Variants in FNDC1 observed in about 807,000 individuals in gnomAD.
FNDC1 encodes fibronectin type III domain containing 1, also known as fibronectin type III domain-containing protein 1.
In FNDC1, 96 loss-of-function variants were observed where a neutral mutation model predicts 168.0. The ratio of observed to expected loss-of-function variants is 0.57; its 90% CI spans 0.48 to 0.68. FNDC1 has a LOEUF of 0.68. FNDC1 is among the 30% of genes least tolerant of loss of function. The pLI is 0.00. For synonymous variants in FNDC1, 1,099 were observed against 1,025.9 expected (o/e 1.07, Z -1.36); for missense variants, 2,587 against 2,482.1 (o/e 1.04, Z -0.90).
intron 9 of FNDC1, among the ~76,000 whole-genome samples, chr6:159,229,343 T>G (rs1783033715): frequency 6.6e-6 from 1 of 152,238 alleles, no homozygotes; most frequent in Non-Finnish European, 1.5e-5. Context: ...ATGGAATTTT[T>G]CTGGCTAAAT....
intron 9 of FNDC1, among the ~76,000 whole-genome samples, chr6:159,228,991 T>C (rs1403043724): frequency 6.6e-6 from 1 of 152,212 alleles, no homozygotes; most frequent in Non-Finnish European, 1.5e-5. Flanking sequence ...TCATATTAAT[T>C]TGATGTTTTG....
intron 7 of FNDC1, 89 bp from the exon 8 acceptor site, chr6:159,225,446 C>A: frequency 3.8e-6 from 4 of 1,046,906 alleles, no homozygotes; most frequent in South Asian, 5.4e-5. Flanking sequence ...CTCCCAAAGT[C>A]ATCACTTATG....
Position 159,234,280 on chromosome 6 carries a change from C to T in FNDC1, c.3768C>T (p.His1256=). ...CAGGCAGCTCCCCCAGGGCCTCCCACGTCCCTTCCCGACTGCCGCCTCGCA... is the reference window on the plus strand; with the variant it reads ...CAGGCAGCTCCCCCAGGGCCTCCCATGTCCCTTCCCGACTGCCGCCTCGCA... ...PPPGSSPRAS[H]VPSRLPPRSA... is the part of the protein sequence containing the mutation. Residue 1256 remains histidine (H), a synonymous_variant, in exon 11 of 23, where the codon CAC becomes CAT. Transcript: ENST00000297267. 1.9e-6 allele frequency: 3 copies of T among 1,598,566 alleles called. No homozygotes were observed.
At chr6:159,177,698 G>T (rs770540366) in intron 1 of FNDC1, among the ~76,000 whole-genome samples, 2 of 152,174 alleles carry the variant, frequency 1.3e-5, no homozygotes, top group Non-Finnish European at 2.9e-5. Context: ...CTGCAGAGAA[G>T]GCTCGGCCTC....
Position 159,249,059 on chromosome 6 carries a change from A to C in FNDC1, c.4711A>C (p.Arg1571=). The change falls in exon 16 of 23, where the codon AGG becomes CGG. Residue 1571 remains arginine (R), a synonymous_variant. Transcript: ENST00000297267. The part of the protein sequence containing the change: ...YDEDYEFETS[R]PPTTTEPSTT... ...TTCAGATTATGAATTTGAGACGTCA[A>C]GGCCACCAACCACCACTGAGCCTTC... 1.2e-6 allele frequency: 2 copies of C among 1,601,474 alleles called. No homozygotes were observed. The highest frequency in any genetic ancestry group is 1.7e-6 in the Non-Finnish European group (2 of 1,173,852).
chr6:159,226,657 GA>G, intron 9 of FNDC1, 77 bp downstream of exon 9: 1 of 1,144,878 alleles, frequency 8.7e-7, no homozygotes, highest in Non-Finnish European at 1.2e-6. Context: ...TTTGTTGACT[GA>G]AAAAGAAATA....
chr6:159,240,038 A>G, intron 14 of FNDC1, 81 bp downstream of exon 14: 3 of 1,331,984 alleles, frequency 2.3e-6, no homozygotes, highest in East Asian at 2.5e-5. Context: ...CAGAGCCTGC[A>G]GGGGAGGTAT....
intron 1 of FNDC1, among the ~76,000 whole-genome samples, chr6:159,180,201 T>C (rs940701216): frequency 5.3e-5 from 8 of 152,210 alleles, no homozygotes; most frequent in Non-Finnish European, 2.9e-5. Flanking sequence ...TAGCTTCTTG[T>C]GGTTTCCTTG....
intron 22 of FNDC1, among the ~76,000 whole-genome samples, chr6:159,268,821 C>CATCTATCTATCT (rs59375644): frequency 6.9e-6 from 1 of 145,962 alleles, no homozygotes; most frequent in Non-Finnish European, 1.5e-5. Context: ...TCTATCTATT[C>CATCTATCTATCT]ATCTATCTAT....
In FNDC1 at chr6:159,223,560, A is replaced by G. The variant is rs1782883583; in HGVS notation, c.799A>G (p.Ser267Gly). Residue 267 changes from serine to glycine, a missense_variant, in exon 7 of 23, where the codon AGC becomes GGC. Coordinates refer to ENST00000297267, the MANE Select transcript of FNDC1 (RefSeq NM_032532.3). ...CGAATTGGATGTACCTGACGACATC[A>G]GCGTCCGGGTTATGTCATCTCAGTC... ...EDELDVPDDISVRVMSSQSVL... is the reference protein window; with the variant it reads ...EDELDVPDDIGVRVMSSQSVL... The G allele has an allele frequency of 6.2e-7, 1 of 1,613,480 alleles. No homozygotes were observed.
At chr6:159,210,391 T>C (rs1416768986) in intron 4 of FNDC1, among the ~76,000 whole-genome samples, 3 of 152,184 alleles carry the variant, frequency 2.0e-5, no homozygotes, top group Non-Finnish European at 4.4e-5. Context: ...CTCACTTCTT[T>C]GGTCAGCAGA....
chr6:159,266,106 A>T lies in FNDC1; in HGVS notation c.5307A>T (p.Pro1769=). 1 of 1,613,890 alleles carries T rather than the reference A, an allele frequency of 6.2e-7. No homozygotes were observed. Among genetic ancestry groups the T allele is most frequent in the Non-Finnish European group, 8.5e-7 (1 of 1,179,794 alleles). The change falls in exon 21 of 23, where the codon CCA becomes CCT. Residue 1769 remains proline (P), a synonymous_variant. Transcript: ENST00000297267. The part of the protein sequence containing the change: ...RPPGGEPIWI[P]FAFKHDPSYT... ...AAGGCGGTGAGCCTATCTGGATCCC[A>T]TTCGCTTTCAAACATGATCCCAGCT...
intron 17 of FNDC1, among the ~76,000 whole-genome samples, chr6:159,254,540 T>G (rs1777333581): frequency 2.6e-5 from 4 of 152,014 alleles, no homozygotes; most frequent in Admixed American, 2.6e-4. Flanking sequence ...ACTCTGTCTC[T>G]ACTAAACATA....
rs1783195857 is a variant in FNDC1 at position 159,234,313 on chromosome 6, C to T, written c.3801C>T (p.Ala1267=). ...VPSRLPPRSA[A]TVSPVAGTHP... The stretch of plus-strand genomic sequence containing the variant: ...CCCGACTGCCGCCTCGCAGCGCTGC[C>T]ACCGTGAGCCCCGTCGCGGGCACCC... The change falls in exon 11 of 23, where the codon GCC becomes GCT. Residue 1267 remains alanine (A), a synonymous_variant. Coordinates refer to ENST00000297267, the MANE Select transcript of FNDC1 (RefSeq NM_032532.3). 1 of 1,608,584 alleles carries T rather than the reference C, an allele frequency of 6.2e-7. No homozygotes were observed. Among genetic ancestry groups the T allele is most frequent in the African/African-American group, 1.3e-5 (1 of 74,766 alleles).
In FNDC1 at chr6:159,241,270, T is replaced by C. The variant is rs184076363; in HGVS notation, c.4621+1313T>C. The stretch of plus-strand genomic sequence containing the variant: ...AATATAATTAAAACATAATTAGTAA[T>C]TGGTCGTAAACAAAAATTGACTATT... On this transcript the variant is annotated intron_variant, in intron 14 of 22. Transcript: ENST00000297267. 2.7e-3 allele frequency: 406 copies of C among 152,346 alleles called. 1 individual carries two copies. The highest frequency in any genetic ancestry group is 9.3e-3 in the African/African-American group (387 of 41,578). 9.4% of individuals were successfully genotyped at this position (152,346 alleles called of 1,614,324 possible). A position where few individuals can be genotyped will look rare whatever the true frequency, so the allele number is the denominator to read the frequency against.
chr6:159,255,729 T>A (rs1350784654), intron 17 of FNDC1, among the ~76,000 whole-genome samples: 1 of 152,126 alleles, frequency 6.6e-6, no homozygotes, highest in East Asian at 1.9e-4. Flanking sequence ...CAAATTCAAT[T>A]GAGAGTACCT....
intron 18 of FNDC1, among the ~76,000 whole-genome samples, chr6:159,258,823 A>G (rs1475490581): frequency 6.6e-6 from 1 of 152,214 alleles, no homozygotes; most frequent in Non-Finnish European, 1.5e-5. Flanking sequence ...TGCAGATCAT[A>G]TCTGGGGAAT....
intron 22 of FNDC1, among the ~76,000 whole-genome samples, chr6:159,269,102 ATTTG>A (rs1258462098): frequency 1.0e-4 from 15 of 150,250 alleles, no homozygotes; most frequent in African/African-American, 3.7e-4. Context: ...CTATCTATCC[ATTTG>A]TTTATCTAGG....
At chr6:159,213,355 C>A (rs1369291970) in intron 4 of FNDC1, among the ~76,000 whole-genome samples, 2 of 152,224 alleles carry the variant, frequency 1.3e-5, no homozygotes, top group East Asian at 3.8e-4. Context: ...AACTTCACTC[C>A]TGACTCCTCA....
Sources: allele counts gnomAD v4.1 joint callset (sites outside exome capture counted in the v4.1 genomes callset), GRCh38; gene constraint gnomAD v4.1.1; transcripts MANE v1.5; gene names NCBI Gene and HGNC (gene_info 2026-07-23, HGNC 2026-07-21).